CLCNKB: variants seen among roughly 807,000 people sequenced by gnomAD.
The protein encoded by CLCNKB is chloride voltage-gated channel Kb, also known as chloride channel protein ClC-Kb.
In CLCNKB, 74 loss-of-function variants were observed where a neutral mutation model predicts 83.8. The observed-to-expected ratio is 0.88, with a 90% CI of 0.73 to 1.07. The LOEUF is 1.07. CLCNKB is among the 50% of genes least tolerant of loss of function. The probability of loss-of-function intolerance (pLI) is 0.00; values close to 1 mark genes in which losing one functional copy is unlikely to be tolerated. For synonymous variants in CLCNKB, 358 were observed against 356.6 expected, an observed-to-expected ratio of 1.00 and a Z score of -0.04; for missense variants, 798 against 893.6, an observed-to-expected ratio of 0.89 and a Z score of 1.36.
Position 16,044,436 on chromosome 1 carries a change from G to A in CLCNKB, c.-7-50G>A, listed in dbSNP as rs531495195. The stretch of plus-strand genomic sequence containing the variant: ...CACTGGAAGGGCCTAGAGGCAGTGC[G>A]AGGACGTGCAGCAGCTCACCGCGGT... On this transcript the variant is annotated intron_variant, in intron 1 of 19. Coordinates refer to ENST00000375679, the MANE Select transcript of CLCNKB (RefSeq NM_000085.5). The A allele has an allele frequency of 3.2e-5, 48 of 1,479,768 alleles. No individual in the cohort carries two copies. In the African/African-American group the frequency reaches 4.3e-4, roughly 13 times the overall value. 91.7% of individuals were successfully genotyped at this position (1,479,768 alleles called of 1,614,324 possible).
At position 16,055,241 on chromosome 1, in the gene CLCNKB, G is replaced by A. The variant is rs2023402045; in HGVS notation, c.1757-194G>A. Among the ~76,000 whole-genome samples the A allele has an allele frequency of 2.0e-5, 3 of 152,174 alleles. No individual in the cohort carries two copies. The South Asian group carries it at 6.2e-4, about 32-fold the overall frequency. On this transcript the variant is annotated intron_variant, in intron 16 of 19. Coordinates refer to ENST00000375679, the MANE Select transcript of CLCNKB (RefSeq NM_000085.5). Reference sequence around the variant, plus strand: ...TCAGCCATCCTCAGCTACCACACCTGAATGACCTTGGGCAAGACAATTAGC... The same window carrying A: ...TCAGCCATCCTCAGCTACCACACCTAAATGACCTTGGGCAAGACAATTAGC...
chr1:16,052,159 C>T, intron 14 of CLCNKB, 39 bp from the exon 15 acceptor site: 1 of 1,611,254 alleles, frequency 6.2e-7, no homozygotes, highest in Non-Finnish European at 8.5e-7. Flanking sequence ...TGAGGCTGGC[C>T]CCTGGCCTGA....
intron 10 of CLCNKB, 43 bp downstream of exon 10, chr1:16,049,959 C>G (rs551691887): frequency 1.9e-6 from 3 of 1,538,520 alleles, no homozygotes; most frequent in South Asian, 2.2e-5. Context: ...AGCGAGCTCC[C>G]CCCTCACCGT....
chr1:16,051,710 G>A lies in CLCNKB; in HGVS notation c.1298G>A (p.Gly433Glu), dbSNP rs761374224. The A allele has an allele frequency of 3.7e-6, 6 of 1,613,658 alleles. No individual in the cohort carries two copies. Among genetic ancestry groups the A allele is most frequent in the South Asian group, 2.2e-5 (2 of 91,074 alleles). ...AGYFMPIFVY[G>E]AAIGRLFGET... is the part of the protein sequence containing the mutation. ...CCCCTCACCCTAAGTCTGTGGCCAG[G>A]AGCTGCTATCGGGCGCCTCTTTGGG... Residue 433 changes from glycine (G) to glutamate (E), a missense_variant and splice_region_variant, in exon 14 of 20, where the codon GGA (glycine) becomes GAA (glutamate). Transcript: ENST00000375679.
In CLCNKB at chr1:16,052,478, G is replaced by A; in HGVS notation, c.1622+67G>A. ...TGTTTGGGAAGGGCTGGGGTGAAGG[G>A]CACCTCGAAAAAGAAACGCCACCGT... On this transcript the variant is annotated intron_variant, in intron 15 of 19. Coordinates refer to ENST00000375679, the MANE Select transcript of CLCNKB (RefSeq NM_000085.5). 3.1e-6 allele frequency: 5 copies of A among 1,605,096 alleles called. 1 individual carries two copies. The highest frequency in any genetic ancestry group is 2.7e-5 in the African/African-American group (2 of 74,830).
Position 16,049,832 on chromosome 1 carries a change from T to C in CLCNKB, c.884T>C (p.Leu295Pro), listed in dbSNP as rs2023228209. 1.9e-6 allele frequency: 3 copies of C among 1,613,836 alleles called. No individual in the cohort carries two copies. Among genetic ancestry groups the C allele is most frequent in the Non-Finnish European group, 1.7e-6 (2 of 1,179,874 alleles). Residue 295 changes from leucine (L) to proline (P), a missense_variant, in exon 10 of 20, where the codon CTG becomes CCG. Leu to Pro is a moderately conservative substitution (Grantham distance 98, BLOSUM62 -3). Coordinates refer to ENST00000375679, the MANE Select transcript of CLCNKB (RefSeq NM_000085.5). ...CTCCCCAGGGGTCTCTGTGGCATCC[T>C]GGGCAGCGCTTACCTCTTCTGTCAG... ...FVALGGLCGI[L>P]GSAYLFCQRI...
At chr1:16,052,177 T>C in intron 14 of CLCNKB, 21 bp from the exon 15 acceptor site, 1 of 1,612,516 alleles carries the variant, frequency 6.2e-7, no homozygotes, top group South Asian at 1.1e-5. Flanking sequence ...TGAGCTGCCC[T>C]GCCTGACTCT....
intron 8 of CLCNKB, 143 bp from the exon 9 acceptor site, chr1:16,049,475 C>T (rs1367279335): frequency 2.6e-6 from 4 of 1,530,988 alleles, no homozygotes; most frequent in East Asian, 4.7e-5. Flanking sequence ...GAGGCAGGAG[C>T]CTGGTTGTGG....
At chr1:16,053,334 A>AC (rs1480720737) in intron 15 of CLCNKB, among the ~76,000 whole-genome samples, 1 of 152,038 alleles carries the variant, frequency 6.6e-6, no homozygotes, top group Non-Finnish European at 1.5e-5. Context: ...AGCCGCATAT[A>AC]CTTTTTACTC....
In CLCNKB at chr1:16,052,511, C is replaced by T. The variant is rs112038655; in HGVS notation, c.1622+100C>T. On this transcript the variant is annotated intron_variant, in intron 15 of 19. Coordinates refer to ENST00000375679, the MANE Select transcript of CLCNKB (RefSeq NM_000085.5). Reference sequence around the variant, plus strand: ...AAAAAGAAACGCCACCGTAGCTGACCTCGGACATGGGGGCTGACACACAGC... The same window carrying T: ...AAAAAGAAACGCCACCGTAGCTGACTTCGGACATGGGGGCTGACACACAGC... The T allele has an allele frequency of 5.1e-3, 6,660 of 1,306,596 alleles. 283 individuals are homozygous for T. In the African/African-American group the frequency reaches 0.084, roughly 17 times the overall value. The allele number at this position is 1,306,596 out of a possible 1,614,324, so 80.9% of individuals were successfully genotyped here. A position where few individuals can be genotyped will look rare whatever the true frequency, so the allele number is the denominator to read the frequency against.
Position 16,045,702 on chromosome 1 carries a change from C to T in CLCNKB, c.229+16C>T, listed in dbSNP as rs1396546218. The T allele has an allele frequency of 2.5e-6, 4 of 1,593,832 alleles. No homozygotes were observed. The African/African-American group carries it at 5.4e-5, about 21-fold the overall frequency. Reference sequence around the variant, plus strand: ...GTGGTCCGAGGTAACCCCTCCATGGCAGGTGCTGCTCTGGGCCAAGGGATT... The same window carrying T: ...GTGGTCCGAGGTAACCCCTCCATGGTAGGTGCTGCTCTGGGCCAAGGGATT... On this transcript the variant is annotated intron_variant, in intron 3 of 19. Transcript: ENST00000375679.
chr1:16,055,584 A>T, intron 17 of CLCNKB, 61 bp downstream of exon 17: 1 of 1,560,324 alleles, frequency 6.4e-7, no homozygotes, highest in Non-Finnish European at 8.8e-7. Flanking sequence ...ATGGGAGGAG[A>T]GGGGCCCGCT....
intron 18 of CLCNKB, among the ~76,000 whole-genome samples, chr1:16,056,116 G>A (rs11576962): frequency 0.036 from 5,461 of 152,302 alleles, 343 homozygotes; most frequent in African/African-American, 0.12. Context: ...AACCACTCAG[G>A]ACAGAGCCTG....
intron 8 of CLCNKB, 126 bp from the exon 9 acceptor site, chr1:16,049,492 G>A (rs948553075): frequency 6.7e-7 from 1 of 1,489,698 alleles, no homozygotes; most frequent in African/African-American, 1.4e-5. Flanking sequence ...GTGGGGGCCT[G>A]GAATGCCAGG....
At position 16,049,813 on chromosome 1, in the gene CLCNKB, AG is replaced by A. The variant is rs2023227066; in HGVS notation, c.869del. The A allele has an allele frequency of 6.2e-7, 1 of 1,613,578 alleles. No homozygotes were observed. Among genetic ancestry groups the A allele is most frequent in the African/African-American group, 1.3e-5 (1 of 74,750 alleles). The stretch of plus-strand genomic sequence containing the variant: ...CTGGGCTCATGTCTCCATGCTCCCC[AG>A]GGGTCTCTGTGGCATCCTGGGCAGC... On this transcript the variant is annotated splice_acceptor_variant, in intron 9 of 19. Transcript: ENST00000375679. LOFTEE classifies it high-confidence loss of function.
rs1457981533 is a variant in CLCNKB at position 16,051,462 on chromosome 1, C to T, written c.1228-16C>T. 9.3e-6 allele frequency: 15 copies of T among 1,613,890 alleles called. No individual in the cohort carries two copies. The highest frequency in any genetic ancestry group is 2.7e-5 in the African/African-American group (2 of 74,884). ...AGCAGCCTCTAACCTCTGCCCTGGG[C>T]TCCCCACTCCCACAGTTCTGGATGC... is the stretch of plus-strand genomic sequence containing the variant. On this transcript the variant is annotated splice_polypyrimidine_tract_variant and intron_variant, in intron 12 of 19. Coordinates refer to ENST00000375679, the MANE Select transcript of CLCNKB (RefSeq NM_000085.5).
Position 16,044,609 on chromosome 1 carries a change from C to A in CLCNKB, c.100+17C>A. On this transcript the variant is annotated intron_variant, in intron 2 of 19. Transcript: ENST00000375679. ...GCATCCGAGGTGAGAGCCAGGTCCTCTTCCCTTCCCCCTGGAGGACCACTC... is the reference window on the plus strand; with the variant it reads ...GCATCCGAGGTGAGAGCCAGGTCCTATTCCCTTCCCCCTGGAGGACCACTC... The A allele has an allele frequency of 6.3e-7, 1 of 1,578,428 alleles. No homozygotes were observed.
At position 16,049,199 on chromosome 1, in the gene CLCNKB, C is replaced by T. The variant is rs778026556; in HGVS notation, c.735C>T (p.Cys245=). The T allele has an allele frequency of 1.9e-6, 3 of 1,613,540 alleles. No individual in the cohort carries two copies. The highest frequency in any genetic ancestry group is 2.2e-5 in the East Asian group (1 of 44,868). The change falls in exon 8 of 20, where the codon TGC becomes TGT. Residue 245 remains cysteine, a synonymous_variant. Transcript: ENST00000375679. ...DYWRGFFAAT[C]GAFMFRLLAV... ...GGAGGGGCTTCTTTGCGGCCACCTG[C>T]GGGGCCTTCATGTTCCGGCTCCTGG...
chr1:16,056,264 C>T (rs2023435531), intron 18 of CLCNKB, among the ~76,000 whole-genome samples, 158 bp from the exon 19 acceptor site: 1 of 152,060 alleles, frequency 6.6e-6, no homozygotes, highest in African/African-American at 2.4e-5. Flanking sequence ...ACTCTGGCAT[C>T]CCCCAGTGGC....
Sources: gnomAD v4.1 joint callset for allele counts (sites outside exome capture counted in the v4.1 genomes callset) on GRCh38, gnomAD v4.1.1 for gene constraint, MANE v1.5 for transcripts, NCBI Gene and HGNC (gene_info 2026-07-23, HGNC 2026-07-21) for gene names.